NAV1: variants seen among roughly 807,000 people sequenced by gnomAD.
NAV1 encodes neuron navigator 1.
In NAV1, 18 loss-of-function variants were observed where a neutral mutation model predicts 175.2. The ratio of observed to expected loss-of-function variants is 0.10; its 90% CI spans 0.07 to 0.15. The LOEUF is 0.15. NAV1 is among the 10% of genes least tolerant of loss of function. NAV1 has a pLI of 1.00. For missense variants in NAV1, 1,731 were observed against 2,436.6 expected (o/e 0.71, Z 6.10); for synonymous variants, 897 against 978.7 (o/e 0.92, Z 1.56).
chr1:201,672,743 A>C (rs1431821076), intron 1 of NAV1, among the ~76,000 whole-genome samples: 1 of 152,238 alleles, frequency 6.6e-6, no homozygotes, highest in Non-Finnish European at 1.5e-5. Context: ...ATGATGCTCT[A>C]AGAAAGCCTA....
Position 201,658,339 on chromosome 1 carries a change from AGGGCTC to A in NAV1, c.757+8917_757+8922del, listed in dbSNP as rs72258192. Among the ~76,000 whole-genome samples, 651 of 152,200 alleles carry A rather than the reference AGGGCTC, an allele frequency of 4.3e-3. 6 individuals are homozygous for A. The highest frequency in any genetic ancestry group is 0.015 in the African/African-American group (616 of 41,502). On this transcript the variant is annotated intron_variant, in intron 1 of 29. Coordinates refer to ENST00000367296, the Ensembl canonical transcript of NAV1. ...GCGAAGAAGCCAGAAAGGGCAACTG[AGGGCTC>A]GGCCAGCTGGAATTGGCATCAGTGC...
intron 15 of NAV1, chr1:201,796,489 A>C (rs921353286): frequency 1.3e-5 from 2 of 152,128 alleles, no homozygotes; most frequent in Non-Finnish European, 2.9e-5. Context: ...CACCCAGCTA[A>C]TTATTTGTTT....
intron 1 of NAV1, among the ~76,000 whole-genome samples, chr1:201,701,673 C>A (rs1283362223): frequency 5.9e-5 from 9 of 152,200 alleles, no homozygotes; most frequent in African/African-American, 2.2e-4. Context: ...ATGTAGATGA[C>A]ACCTACAGTG....
At chr1:201,806,980 C>T (rs1678326595) in intron 17 of NAV1, among the ~76,000 whole-genome samples, 1 of 152,138 alleles carries the variant, frequency 6.6e-6, no homozygotes, top group African/African-American at 2.4e-5. Flanking sequence ...TCCCCTATAA[C>T]CTTTGACCCC....
Position 201,642,522 on chromosome 1 carries a change from T to TCTC in NAV1, c.5-6112_5-6111insCTC, listed in dbSNP as rs879739399. On this transcript the variant is annotated intron_variant, in intron 2 of 29. Transcript: ENST00000367302. ...CCACCGCACCCGGCCTCTTTCTTTC[T>TCTC]TTTTTTCTTTCTTTCTTTCTTTCTT... is the stretch of plus-strand genomic sequence containing the variant. Among the ~76,000 whole-genome samples the TCTC allele has an allele frequency of 3.1e-5, 3 of 96,774 alleles. 1 individual carries two copies. Among genetic ancestry groups the TCTC allele is most frequent in the Non-Finnish European group, 6.0e-5 (3 of 50,280 alleles). The allele number at this position is 96,774 out of a possible 152,430, so 63.5% of individuals were successfully genotyped here.
At chr1:201,780,362 T>A in intron 3 of NAV1, 59 bp from the exon 8 acceptor site, 2 of 1,603,686 alleles carry the variant, frequency 1.2e-6, no homozygotes, top group Non-Finnish European at 8.5e-7. Flanking sequence ...ATGTGAAACA[T>A]TTATTTTTTG....
At chr1:201,802,691 A>C (rs1678013234) in intron 15 of NAV1, among the ~76,000 whole-genome samples, 1 of 151,724 alleles carries the variant, frequency 6.6e-6, no homozygotes, top group African/African-American at 2.4e-5. Context: ...GAGGCAGAGA[A>C]CTGCTTGAAC....
chr1:201,727,989 A>C (rs1220927823), intron 3 of NAV1, among the ~76,000 whole-genome samples: 1 of 152,198 alleles, frequency 6.6e-6, no homozygotes, highest in Non-Finnish European at 1.5e-5. Context: ...CAGTGACTGC[A>C]GGGGGCATAG....
rs1048190032 is a variant in NAV1 at position 201,722,481 on chromosome 1, C to T, written c.1226+3726C>T. Among the ~76,000 whole-genome samples, 8 of 152,154 alleles carry T rather than the reference C, an allele frequency of 5.3e-5. No individual in the cohort carries two copies. The East Asian group carries it at 5.8e-4, about 11-fold the overall frequency. Reference sequence around the variant, plus strand: ...TGAACTCTATTCTGTTGTAGGTATACGCCACATTTTGTTTACCCATTCATC... The same window carrying T: ...TGAACTCTATTCTGTTGTAGGTATATGCCACATTTTGTTTACCCATTCATC... On this transcript the variant is annotated intron_variant, in intron 3 of 29. Transcript: ENST00000367296.
At position 201,783,440 on chromosome 1, in the gene NAV1, C is replaced by T. The variant is rs932684026; in HGVS notation, c.2392C>T (p.Leu798=). Residue 798 remains leucine, a synonymous_variant, in exon 7 of 30, where the codon CTA becomes TTA. Coordinates refer to ENST00000367296, the Ensembl canonical transcript of NAV1. ...GAAGAGCTTTGTCAAACCACCCTCA[C>T]TAGCCAATCTTGACAAGGTCAACTC... is the stretch of plus-strand genomic sequence containing the variant. 13 of 1,614,026 alleles carry T rather than the reference C, an allele frequency of 8.1e-6. No homozygotes were observed. The African/African-American group carries it at 1.5e-4, about 18-fold the overall frequency.
rs777783127 is a variant in NAV1, at chr1:201,786,480, C to T, written c.2898C>T (p.Thr966=). Residue 966 remains threonine, a synonymous_variant, in exon 9 of 30, where the codon ACC becomes ACT. Transcript: ENST00000367296. ...CCAAGGAGAGGCGACATTCCCATAC[C>T]ATTGGTGGGCTGCCTGAATCCGATG... 9 of 1,613,890 alleles carry T rather than the reference C, an allele frequency of 5.6e-6. No individual in the cohort carries two copies. The South Asian group carries it at 7.7e-5, about 14-fold the overall frequency.
intron 1 of NAV1, among the ~76,000 whole-genome samples, chr1:201,545,376 AATTT>A (rs1031109799): frequency 4.0e-5 from 6 of 151,050 alleles, no homozygotes; most frequent in African/African-American, 9.7e-5. Flanking sequence ...TTTTTTAATT[AATTT>A]ATTTATTTTT....
chr1:201,620,737 G>A (rs1668140037), upstream of NAV1, among the ~76,000 whole-genome samples: 1 of 151,834 alleles, frequency 6.6e-6, no homozygotes, highest in Non-Finnish European at 1.5e-5. Flanking sequence ...CCAAAGTGCT[G>A]GGATTACAGG....
chr1:201,736,795 A>T (rs570942697), intron 3 of NAV1, among the ~76,000 whole-genome samples: 269 of 152,252 alleles, frequency 1.8e-3, no homozygotes, highest in African/African-American at 6.0e-3. Flanking sequence ...GAGGAAGCCT[A>T]TGTGAGATAG....
chr1:201,578,974 A>C (rs1225886771), intron 1 of NAV1, among the ~76,000 whole-genome samples: 1 of 151,858 alleles, frequency 6.6e-6, no homozygotes, highest in Non-Finnish European at 1.5e-5. Flanking sequence ...CTCTACTAAT[A>C]ATATAAAAAT....
chr1:201,593,717 T>G (rs945521332), intron 2 of NAV1, among the ~76,000 whole-genome samples: 1 of 152,232 alleles, frequency 6.6e-6, no homozygotes, highest in African/African-American at 2.4e-5. Context: ...GTTTAGCATG[T>G]GTCTGAGTAC....
At chr1:201,605,366 AG>A in intron 2 of NAV1, among the ~76,000 whole-genome samples, 1 of 152,200 alleles carries the variant, frequency 6.6e-6, no homozygotes, top group South Asian at 2.1e-4. Context: ...GAGAAAAAAA[AG>A]TTAGGTGGTA....
At chr1:201,620,680 G>A (rs371467601), upstream of NAV1, among the ~76,000 whole-genome samples, 2 of 151,958 alleles carry the variant, frequency 1.3e-5, no homozygotes, top group African/African-American at 2.4e-5. Flanking sequence ...TGTTGGTCAG[G>A]CTGGTCTCAA....
intron 1 of NAV1, among the ~76,000 whole-genome samples, chr1:201,541,700 G>A (rs1571811270): frequency 6.6e-6 from 1 of 152,158 alleles, no homozygotes; most frequent in African/African-American, 2.4e-5. Context: ...CTTGAACCCG[G>A]GAGGCAGAGG....
Sources: allele counts gnomAD v4.1 joint callset (sites outside exome capture counted in the v4.1 genomes callset), GRCh38; gene constraint gnomAD v4.1.1; transcripts MANE v1.5; gene names NCBI Gene and HGNC (gene_info 2026-07-23, HGNC 2026-07-21).